Variants in SLC35A1 observed in about 807,000 individuals in gnomAD.
SLC35A1 encodes the protein CMP-sialic acid transporter.
A neutral mutation model predicts 40.3 loss-of-function variants in SLC35A1; 21 were observed. The ratio of observed to expected loss-of-function variants is 0.52; its 90% CI spans 0.37 to 0.75. The LOEUF is 0.75. SLC35A1 is among the 30% of genes least tolerant of loss of function. The pLI, the probability that SLC35A1 is intolerant of heterozygous loss-of-function variation, is 0.00. For synonymous variants in SLC35A1, 146 were observed against 147.3 expected, an observed-to-expected ratio of 0.99 and a Z score of 0.06; for missense variants, 297 against 382.1, an observed-to-expected ratio of 0.78 and a Z score of 1.86.
chr6:87,508,215 C>G (rs1341898319), intron 5 of SLC35A1, among the ~76,000 whole-genome samples: 1 of 152,040 alleles, frequency 6.6e-6, no homozygotes, highest in Non-Finnish European at 1.5e-5. Context: ...AGTTATTATT[C>G]TATATACTCT....
intron 4 of SLC35A1, among the ~76,000 whole-genome samples, chr6:87,502,389 C>T (rs1476116530): frequency 6.6e-6 from 1 of 152,166 alleles, no homozygotes; most frequent in African/African-American, 2.4e-5. Flanking sequence ...AATGTAAGTT[C>T]AGGGTTCTGA....
chr6:87,475,856 G>A (rs1373261437), intron 1 of SLC35A1, among the ~76,000 whole-genome samples: 2 of 152,212 alleles, frequency 1.3e-5, no homozygotes, highest in Non-Finnish European at 1.5e-5. Flanking sequence ...AGTTGTCAAA[G>A]TATGGCTCTG....
At chr6:87,498,983 C>T (rs1040338541) in intron 2 of SLC35A1, 3 of 194,232 alleles carry the variant, frequency 1.5e-5, no homozygotes, top group African/African-American at 4.7e-5. Flanking sequence ...CACCACTAGG[C>T]TGTGTGCGTT....
intron 2 of SLC35A1, among the ~76,000 whole-genome samples, chr6:87,487,081 CAGG>C (rs1769412088): frequency 6.6e-6 from 1 of 152,062 alleles, no homozygotes; most frequent in Non-Finnish European, 1.5e-5. Context: ...GAGGCTGAGG[CAGG>C]AGAATTGCTT....
chr6:87,502,162 A>G (rs531190350), intron 4 of SLC35A1, among the ~76,000 whole-genome samples: 26 of 152,098 alleles, frequency 1.7e-4, no homozygotes, highest in African/African-American at 6.3e-4. Flanking sequence ...TTTCTATAAT[A>G]TGGTTTCTAG....
At chr6:87,486,763 C>T (rs886704648) in intron 2 of SLC35A1, among the ~76,000 whole-genome samples, 3 of 152,090 alleles carry the variant, frequency 2.0e-5, no homozygotes, top group Non-Finnish European at 4.4e-5. Context: ...TTTGAAATCC[C>T]TGAGGCAGAA....
intron 1 of SLC35A1, among the ~76,000 whole-genome samples, chr6:87,475,146 C>T: frequency 6.6e-6 from 1 of 152,098 alleles, no homozygotes; most frequent in Non-Finnish European, 1.5e-5. Context: ...AAAAAAGTAG[C>T]CTGGATAATT....
intron 1 of SLC35A1, among the ~76,000 whole-genome samples, chr6:87,476,649 C>T (rs929306058): frequency 2.1e-4 from 32 of 152,032 alleles, no homozygotes; most frequent in Non-Finnish European, 3.7e-4. Flanking sequence ...TGCTTGAACC[C>T]GGGAGGTGGA....
intron 5 of SLC35A1, chr6:87,506,878 C>CA (rs1287744901): frequency 3.5e-5 from 8 of 229,616 alleles, no homozygotes; most frequent in African/African-American, 1.8e-4. Context: ...TCTGCTTTAA[C>CA]AGGTTAGGAG....
chr6:87,484,701 C>T (rs1483158412), intron 2 of SLC35A1, among the ~76,000 whole-genome samples: 2 of 144,114 alleles, frequency 1.4e-5, no homozygotes, highest in East Asian at 2.0e-4. Flanking sequence ...TAGGGTGGAG[C>T]AGGTAATCGG....
At chr6:87,479,253 G>A (rs1769178169) in intron 2 of SLC35A1, among the ~76,000 whole-genome samples, 1 of 152,132 alleles carries the variant, frequency 6.6e-6, no homozygotes, top group Non-Finnish European at 1.5e-5. Flanking sequence ...CCTTGGCTTA[G>A]TTCTGCTCAA....
rs145006535 is a variant in SLC35A1, at chr6:87,477,478, A to C, written c.133A>C (p.Thr45Pro). The change falls in exon 2 of 8, where the codon ACC (threonine) becomes CCC (proline). Residue 45 changes from threonine to proline, a missense_variant. Physicochemically the swap from Thr to Pro is conservative, Grantham distance 38. Coordinates refer to ENST00000369552, the MANE Select transcript of SLC35A1 (RefSeq NM_006416.5). ...RTSDKELYFSTTAVCITEVIK... is the reference protein window; with the variant it reads ...RTSDKELYFSPTAVCITEVIK... ...ATCAGACAAAGAACTCTACTTTTCA[A>C]CCACAGCCGTGTGTATCACAGAAGT... 1.3e-5 allele frequency: 21 copies of C among 1,614,110 alleles called. No homozygotes were observed. The highest frequency in any genetic ancestry group is 3.3e-5 in the Admixed American group (2 of 60,022).
chr6:87,481,562 A>G (rs1020714534), intron 2 of SLC35A1, among the ~76,000 whole-genome samples: 1 of 152,146 alleles, frequency 6.6e-6, no homozygotes, highest in African/African-American at 2.4e-5. Context: ...ACCATTTTAT[A>G]TTTGACAGTG....
At chr6:87,504,276 A>C (rs1314061912) in intron 4 of SLC35A1, among the ~76,000 whole-genome samples, 4 of 152,016 alleles carry the variant, frequency 2.6e-5, no homozygotes, top group African/African-American at 9.7e-5. Flanking sequence ...AAAAAGAAAA[A>C]AAAAAAAAAA....
At chr6:87,502,484 A>G (rs1217732645) in intron 4 of SLC35A1, among the ~76,000 whole-genome samples, 1 of 152,180 alleles carries the variant, frequency 6.6e-6, no homozygotes, top group African/African-American at 2.4e-5. Flanking sequence ...ACTACTTACT[A>G]CACATCTAGG....
chr6:87,496,794 AG>A lies in SLC35A1; in HGVS notation c.195-3713del, dbSNP rs758514765. ...GACTCCATCTCAAAAAAAAAAAAAAAGAAAAACCCACCAAAACAGAAAATAT... is the reference window on the plus strand; with the variant it reads ...GACTCCATCTCAAAAAAAAAAAAAAAAAAAACCCACCAAAACAGAAAATAT... On this transcript the variant is annotated intron_variant, in intron 2 of 7. Transcript: ENST00000369552. Among the ~76,000 whole-genome samples the A allele has an allele frequency of 1.8e-3, 274 of 148,690 alleles. 17 individuals carry two copies. Among genetic ancestry groups the A allele is most frequent in the East Asian group, 0.012 (59 of 5,076 alleles).
chr6:87,474,696 G>A (rs530321074), intron 1 of SLC35A1, among the ~76,000 whole-genome samples: 82 of 152,250 alleles, frequency 5.4e-4, no homozygotes, highest in African/African-American at 1.9e-3. Context: ...AGAGAAAATC[G>A]TACTTAAAAA....
intron 2 of SLC35A1, among the ~76,000 whole-genome samples, chr6:87,485,129 T>C (rs979985729): frequency 6.6e-6 from 1 of 152,218 alleles, no homozygotes; most frequent in African/African-American, 2.4e-5. Flanking sequence ...TGGATGTCAG[T>C]GTTTTATTTG....
rs183590492 is a variant in SLC35A1 at position 87,479,021 on chromosome 6, G to T, written c.194+1482G>T. The stretch of plus-strand genomic sequence containing the variant: ...AGAGTGATGGGATGAGTGGTTTGGC[G>T]GGAAAAATGGTTATGGCAGAGCAGG... On this transcript the variant is annotated intron_variant, in intron 2 of 7. Transcript: ENST00000369552. 2.0e-5 allele frequency among the ~76,000 whole-genome samples: 3 copies of T among 152,156 alleles called. No homozygotes were observed. The East Asian group carries it at 5.8e-4, about 29-fold the overall frequency.
Sources: gnomAD v4.1 joint callset for allele counts (sites outside exome capture counted in the v4.1 genomes callset) on GRCh38, gnomAD v4.1.1 for gene constraint, MANE v1.5 for transcripts, NCBI Gene and HGNC (gene_info 2026-07-23, HGNC 2026-07-21) for gene names.